DNAH11: variants seen among roughly 807,000 people sequenced by gnomAD.
The protein encoded by DNAH11 is dynein axonemal heavy chain 11, also known as axonemal beta dynein heavy chain 11.
DNAH11 carries 442 observed loss-of-function variants against 526.0 expected under a neutral mutation model. The ratio of observed to expected loss-of-function variants is 0.84; its 90% CI spans 0.78 to 0.91. The LOEUF (loss-of-function observed/expected upper bound fraction) is 0.91. Ranked by LOEUF, DNAH11 falls within the 40% of genes least tolerant of loss-of-function variation. The probability of loss-of-function intolerance (pLI) is 0.00; values close to 1 mark genes in which losing one functional copy is unlikely to be tolerated. For synonymous variants in DNAH11, 2,461 were observed against 1,935.9 expected, an observed-to-expected ratio of 1.27 and a Z score of -7.12; for missense variants, 6,989 against 5,448.7, an observed-to-expected ratio of 1.28 and a Z score of -8.90.
At chr7:21,638,783 A>C (rs1249501453) in intron 27 of DNAH11, among the ~76,000 whole-genome samples, 156 bp from the exon 28 acceptor site, 1 of 151,508 alleles carries the variant, frequency 6.6e-6, no homozygotes, top group Non-Finnish European at 1.5e-5. Context: ...AGTCATAAGC[A>C]AGATAGATGA....
chr7:21,852,734 A>G lies in DNAH11; in HGVS notation c.11061+103A>G, dbSNP rs1255381272. On this transcript the variant is annotated intron_variant, in intron 67 of 81. Coordinates refer to ENST00000409508, the MANE Select transcript of DNAH11 (RefSeq NM_001277115.2). Reference sequence around the variant, plus strand: ...ACTTGGTAATTCCTCTAAGAGGACCAGCGTGTGGAATTCAGGTGATTTAAT... The same window carrying G: ...ACTTGGTAATTCCTCTAAGAGGACCGGCGTGTGGAATTCAGGTGATTTAAT... 7 of 1,242,592 alleles carry G rather than the reference A, an allele frequency of 5.6e-6. No homozygotes were observed. In the Admixed American group the frequency reaches 1.3e-4, roughly 23 times the overall value. The allele number at this position is 1,242,592 out of a possible 1,614,324, so 77.0% of individuals were successfully genotyped here.
At chr7:21,623,280 A>G (rs1358047427) in intron 25 of DNAH11, among the ~76,000 whole-genome samples, 1 of 151,584 alleles carries the variant, frequency 6.6e-6, no homozygotes, top group Admixed American at 6.6e-5. Context: ...ATCTCACACC[A>G]GTTAGAATGG....
chr7:21,710,540 C>T lies in DNAH11; in HGVS notation c.6684-13C>T. 2 of 1,588,368 alleles carry T rather than the reference C, an allele frequency of 1.3e-6. No homozygotes were observed. The highest frequency in any genetic ancestry group is 1.1e-5 in the South Asian group (1 of 88,224). ...CGTAGAAATAAACAGCACTCAACTA[C>T]ATTATATATTAGGATTGTTTACTCT... On this transcript the variant is annotated splice_polypyrimidine_tract_variant and intron_variant, in intron 40 of 81. Transcript: ENST00000409508.
At chr7:21,598,547 G>A in intron 14 of DNAH11, among the ~76,000 whole-genome samples, 1 of 151,852 alleles carries the variant, frequency 6.6e-6, no homozygotes, top group East Asian at 1.9e-4. Context: ...TTTCTAAACT[G>A]GGTCTATTCC....
At chr7:21,775,509 T>A (rs184099623) in intron 56 of DNAH11, among the ~76,000 whole-genome samples, 26 of 152,100 alleles carry the variant, frequency 1.7e-4, no homozygotes, top group African/African-American at 5.5e-4. Context: ...ACCCAGCCAC[T>A]TGAAAGGCTG....
intron 29 of DNAH11, 51 bp downstream of exon 29, chr7:21,656,032 C>A: frequency 6.7e-7 from 1 of 1,492,780 alleles, no homozygotes; most frequent in Non-Finnish European, 8.9e-7. Context: ...TTTCAGCATG[C>A]TCTTAGAAGG....
In DNAH11 at chr7:21,765,510, T is replaced by C. The variant is rs768335114; in HGVS notation, c.9023T>C (p.Ile3008Thr). 17 of 1,613,896 alleles carry C rather than the reference T, an allele frequency of 1.1e-5. No homozygotes were observed. Among genetic ancestry groups the C allele is most frequent in the Admixed American group, 1.7e-5 (1 of 60,008 alleles). The change falls in exon 55 of 82, where the codon ATT (isoleucine) becomes ACT (threonine). Residue 3008 changes from isoleucine (I) to threonine (T), a missense_variant. Physicochemically the swap from Ile to Thr is moderately conservative, Grantham distance 89. Transcript: ENST00000409508. ...KFPAIVNCTA[I>T]DWFHAWPQEA... ...CCAGCCATAGTTAACTGCACGGCTA[T>C]TGACTGGTTTCATGCGTGGCCGCAG...
intron 54 of DNAH11, among the ~76,000 whole-genome samples, chr7:21,764,559 G>T (rs1787087715): frequency 6.6e-6 from 1 of 152,146 alleles, no homozygotes; most frequent in Admixed American, 6.6e-5. Context: ...AATAAAAGCA[G>T]AGAAGGAAAG....
Position 21,756,460 on chromosome 7 carries a change from T to C in DNAH11, c.8940+6096T>C, listed in dbSNP as rs540441998. 1.9e-4 allele frequency among the ~76,000 whole-genome samples: 29 copies of C among 152,284 alleles called. No individual in the cohort carries two copies. The South Asian group carries it at 5.6e-3, about 29-fold the overall frequency. ...TAGCCCTATAGTATATTCTGGAATC[T>C]AGTAGAGCAAGATCACCTTCCTTTT... On this transcript the variant is annotated intron_variant, in intron 54 of 81. Coordinates refer to ENST00000409508, the MANE Select transcript of DNAH11 (RefSeq NM_001277115.2).
chr7:21,899,430 C>T lies in DNAH11; in HGVS notation c.13144C>T (p.Pro4382Ser), dbSNP rs777817147. The change falls in exon 80 of 82, where the codon CCT becomes TCT. Residue 4382 changes from proline to serine, a missense_variant. Physicochemically the swap from Pro to Ser is moderately conservative, Grantham distance 74. Transcript: ENST00000409508. ...AVVWLSGFFNPQSFLTAIMQT... is the reference protein window; with the variant it reads ...AVVWLSGFFNSQSFLTAIMQT... ...CGTGTGGCTCTCCGGCTTCTTCAACCCTCAGTCCTTCTTAACTGGTAAGGG... is the reference window on the plus strand; with the variant it reads ...CGTGTGGCTCTCCGGCTTCTTCAACTCTCAGTCCTTCTTAACTGGTAAGGG... The T allele has an allele frequency of 1.2e-6, 2 of 1,613,656 alleles. No individual in the cohort carries two copies. The highest frequency in any genetic ancestry group is 1.1e-5 in the South Asian group (1 of 91,060).
At chr7:21,836,772 A>G (rs1332554509) in intron 65 of DNAH11, among the ~76,000 whole-genome samples, 1 of 152,190 alleles carries the variant, frequency 6.6e-6, no homozygotes, top group Non-Finnish European at 1.5e-5. Context: ...AAGCTTCTGC[A>G]CAACAAAGGA....
At chr7:21,726,460 A>T (rs2965428) in intron 45 of DNAH11, among the ~76,000 whole-genome samples, 91,057 of 150,656 alleles carry the variant, frequency 0.6, 27,565 homozygotes, top group South Asian at 0.71. Context: ...ATCCCTTTTT[A>T]AAAAAAAAGT....
chr7:21,777,890 G>A (rs1787747387), intron 56 of DNAH11, among the ~76,000 whole-genome samples: 1 of 152,164 alleles, frequency 6.6e-6, no homozygotes, highest in Non-Finnish European at 1.5e-5. Flanking sequence ...TATAGTAATG[G>A]GGCGTCGTTC....
intron 39 of DNAH11, among the ~76,000 whole-genome samples, chr7:21,706,189 T>TA: frequency 6.6e-6 from 1 of 152,188 alleles, no homozygotes; most frequent in South Asian, 2.1e-4. Flanking sequence ...ACAACAATGA[T>TA]ATACTATGGG....
chr7:21,848,166 CAAAAA>C (rs58058317), intron 66 of DNAH11, among the ~76,000 whole-genome samples: 1 of 88,982 alleles, frequency 1.1e-5, no homozygotes, highest in African/African-American at 4.2e-5. Context: ...GACTCTGTTT[CAAAAA>C]AAAAAAAAAA....
chr7:21,891,865 T>C (rs888981065), intron 76 of DNAH11, among the ~76,000 whole-genome samples: 3 of 152,180 alleles, frequency 2.0e-5, no homozygotes, highest in Middle Eastern at 3.2e-3. Context: ...ACACACATTT[T>C]TCATTAAATG....
chr7:21,635,838 G>C (rs776892224), intron 25 of DNAH11, 33 bp from the exon 26 acceptor site: 2 of 1,543,458 alleles, frequency 1.3e-6, no homozygotes, highest in Non-Finnish European at 1.8e-6. Flanking sequence ...ACTAAATTTA[G>C]CTACTATTTA....
At chr7:21,718,360 A>T (rs913966387) in intron 43 of DNAH11, among the ~76,000 whole-genome samples, 1 of 152,206 alleles carries the variant, frequency 6.6e-6, no homozygotes, top group African/African-American at 2.4e-5. Flanking sequence ...GAAGGTGCTC[A>T]GTATGTTTTC....
At chr7:21,830,911 T>G (rs774110371) in intron 65 of DNAH11, among the ~76,000 whole-genome samples, 3 of 152,214 alleles carry the variant, frequency 2.0e-5, no homozygotes, top group Non-Finnish European at 4.4e-5. Context: ...TGAGATTACT[T>G]AAGCAGCTTC....
Sources: allele counts gnomAD v4.1 joint callset (sites outside exome capture counted in the v4.1 genomes callset), GRCh38; gene constraint gnomAD v4.1.1; transcripts MANE v1.5; gene names NCBI Gene and HGNC (gene_info 2026-07-23, HGNC 2026-07-21).